CSMD1: variants seen among roughly 807,000 people sequenced by gnomAD.
CSMD1 encodes the protein CUB and Sushi multiple domains 1.
In CSMD1, 213 loss-of-function variants were observed where a neutral mutation model predicts 417.5. That is an observed-to-expected ratio of 0.51 (90% CI 0.46 to 0.57). The LOEUF is 0.57. CSMD1 is among the 20% of genes least tolerant of loss of function. The pLI is 0.00. For synonymous variants in CSMD1, 2,862 were observed against 1,736.8 expected, an observed-to-expected ratio of 1.65 and a Z score of -16.11; for missense variants, 6,923 against 4,529.7, an observed-to-expected ratio of 1.53 and a Z score of -15.17.
At chr8:3,745,690 G>A (rs1211233749) in intron 6 of CSMD1, among the ~76,000 whole-genome samples, 3 of 152,196 alleles carry the variant, frequency 2.0e-5, no homozygotes, top group Non-Finnish European at 4.4e-5. Context: ...GCAGCTGCTG[G>A]AGTAAGGACG....
At chr8:3,080,328 A>G (rs1022632876) in intron 49 of CSMD1, among the ~76,000 whole-genome samples, 9 of 152,176 alleles carry the variant, frequency 5.9e-5, no homozygotes, top group Non-Finnish European at 1.3e-4. Context: ...TGCTTGGCAG[A>G]GTTTCTTGCT....
intron 8 of CSMD1, among the ~76,000 whole-genome samples, chr8:3,602,401 G>C (rs942716352): frequency 4.6e-5 from 7 of 152,292 alleles, no homozygotes; most frequent in South Asian, 2.1e-4. Context: ...ATTCTGAAGA[G>C]ATTTTAAAGG....
intron 3 of CSMD1, among the ~76,000 whole-genome samples, chr8:4,095,801 G>C (rs1016008025): frequency 3.3e-5 from 5 of 152,130 alleles, no homozygotes; most frequent in African/African-American, 1.2e-4. Flanking sequence ...ATATGTATTT[G>C]TATGCATGTT....
At chr8:3,775,262 G>T (rs1798836127) in intron 5 of CSMD1, among the ~76,000 whole-genome samples, 1 of 152,136 alleles carries the variant, frequency 6.6e-6, no homozygotes, top group East Asian at 1.9e-4. Flanking sequence ...TTAAACATTG[G>T]AAGATTTAAA....
chr8:3,173,164 T>A (rs888085870), intron 37 of CSMD1, among the ~76,000 whole-genome samples: 1 of 152,202 alleles, frequency 6.6e-6, no homozygotes, highest in African/African-American at 2.4e-5. Flanking sequence ...TCCCTTACAC[T>A]GAGTAATTGT....
intron 3 of CSMD1, among the ~76,000 whole-genome samples, chr8:4,147,166 C>G (rs961484313): frequency 1.3e-5 from 2 of 152,050 alleles, no homozygotes; most frequent in African/African-American, 4.8e-5. Context: ...TACTCTCCCC[C>G]CCTGCCCCCA....
intron 3 of CSMD1, among the ~76,000 whole-genome samples, chr8:4,076,566 T>C (rs1563091780): frequency 1.3e-5 from 2 of 152,044 alleles, no homozygotes; most frequent in South Asian, 4.1e-4. Context: ...TAAAAGAAAA[T>C]GAAATAATAT....
intron 1 of CSMD1, among the ~76,000 whole-genome samples, chr8:4,912,798 A>AGG (rs111546193): frequency 0.023 from 3,502 of 151,522 alleles, 119 homozygotes; most frequent in African/African-American, 0.08. Context: ...TTTTTTTTGG[A>AGG]GGGGGGGCAC....
intron 13 of CSMD1, among the ~76,000 whole-genome samples, chr8:3,408,693 C>A (rs17066020): frequency 2.0e-5 from 3 of 151,734 alleles, no homozygotes; most frequent in African/African-American, 4.8e-5. Context: ...ACAGGGTAAA[C>A]ATGAATAAAT....
At chr8:3,030,321 C>T (rs1313384004) in intron 50 of CSMD1, among the ~76,000 whole-genome samples, 1 of 151,880 alleles carries the variant, frequency 6.6e-6, no homozygotes, top group Non-Finnish European at 1.5e-5. Flanking sequence ...GAAACCAGAA[C>T]CATTTCTCTA....
At chr8:4,780,432 TCTGTCTAC>T (rs1306957470) in intron 1 of CSMD1, among the ~76,000 whole-genome samples, 3 of 152,188 alleles carry the variant, frequency 2.0e-5, no homozygotes, top group African/African-American at 7.2e-5. Flanking sequence ...TGTCTGTCTG[TCTGTCTAC>T]CTACCTACCT....
chr8:4,155,845 G>A (rs1010644661), intron 3 of CSMD1, among the ~76,000 whole-genome samples: 4 of 152,204 alleles, frequency 2.6e-5, no homozygotes, highest in South Asian at 2.1e-4. Context: ...CTTAAATAAG[G>A]CAAAATGAAA....
At chr8:3,248,599 A>T (rs138460958) in intron 26 of CSMD1, among the ~76,000 whole-genome samples, 1 of 134,814 alleles carries the variant, frequency 7.4e-6, no homozygotes, top group Non-Finnish European at 1.5e-5. Context: ...GCGCGATCTC[A>T]GCTCACTGCA....
intron 2 of CSMD1, among the ~76,000 whole-genome samples, chr8:4,567,719 T>G (rs1798683241): frequency 6.6e-6 from 1 of 152,154 alleles, no homozygotes; most frequent in Non-Finnish European, 1.5e-5. Context: ...AATTCCAATG[T>G]TACTTACTGA....
intron 7 of CSMD1, among the ~76,000 whole-genome samples, chr8:3,621,375 C>T (rs183279373): frequency 1.8e-3 from 279 of 152,108 alleles, no homozygotes; most frequent in Non-Finnish European, 2.4e-3. Context: ...AGGTTAAAAA[C>T]GAAGAGTAAT....
At chr8:4,212,943 C>A (rs1306899860) in intron 3 of CSMD1, among the ~76,000 whole-genome samples, 1 of 151,954 alleles carries the variant, frequency 6.6e-6, no homozygotes, top group Non-Finnish European at 1.5e-5. Context: ...GCTTTCCTTC[C>A]CTCATACCCA....
At chr8:2,965,294 T>C (rs985171390) in intron 59 of CSMD1, among the ~76,000 whole-genome samples, 1 of 152,156 alleles carries the variant, frequency 6.6e-6, no homozygotes, top group African/African-American at 2.4e-5. Flanking sequence ...TCGGCCAGTG[T>C]CATCTTCAGT....
chr8:4,159,402 G>T (rs561847512), intron 3 of CSMD1, among the ~76,000 whole-genome samples: 6 of 152,166 alleles, frequency 3.9e-5, no homozygotes, highest in East Asian at 3.9e-4. Context: ...GAGGGGAAAA[G>T]AAGTCATTAT....
intron 5 of CSMD1, among the ~76,000 whole-genome samples, chr8:3,909,268 G>C (rs1318474585): frequency 6.6e-6 from 1 of 152,134 alleles, no homozygotes; most frequent in Non-Finnish European, 1.5e-5. Flanking sequence ...AGGTGTCAGT[G>C]TTGAGGCACT....
Sources: gnomAD v4.1 joint callset for allele counts (sites outside exome capture counted in the v4.1 genomes callset) on GRCh38, gnomAD v4.1.1 for gene constraint, MANE v1.5 for transcripts, NCBI Gene and HGNC (gene_info 2026-07-23, HGNC 2026-07-21) for gene names.